Variants in NRCAM observed in about 807,000 individuals in gnomAD.
NRCAM encodes NgCAM-related cell adhesion molecule.
In NRCAM, 83 loss-of-function variants were observed where a neutral mutation model predicts 156.5. That is an observed-to-expected ratio of 0.53 (90% CI 0.44 to 0.64). NRCAM has a LOEUF of 0.64. Among genes scored for constraint, NRCAM ranks in the 30% least tolerant of loss-of-function variants. NRCAM has a pLI of 0.00. For missense variants in NRCAM, 1,417 were observed against 1,597.3 expected, an observed-to-expected ratio of 0.89 and a Z score of 1.92; for synonymous variants, 538 against 563.9, an observed-to-expected ratio of 0.95 and a Z score of 0.65.
At chr7:108,434,563 C>CACG (rs1384106963) in intron 1 of NRCAM, among the ~76,000 whole-genome samples, 2 of 151,764 alleles carry the variant, frequency 1.3e-5, no homozygotes, top group Non-Finnish European at 2.9e-5. Flanking sequence ...CACACACACA[C>CACG]ACACACACAC....
intron 2 of NRCAM, among the ~76,000 whole-genome samples, chr7:108,375,205 T>C (rs2099669162): frequency 6.6e-6 from 1 of 152,132 alleles, no homozygotes; most frequent in African/African-American, 2.4e-5. Context: ...CATGAGCTAC[T>C]TGAAGGCAAT....
At chr7:108,434,996 CAAGTA>C (rs1332958975) in intron 1 of NRCAM, among the ~76,000 whole-genome samples, 1 of 146,316 alleles carries the variant, frequency 6.8e-6, no homozygotes, top group South Asian at 2.2e-4. Context: ...AATTACGAGA[CAAGTA>C]AAGAAAAAGA....
intron 3 of NRCAM, among the ~76,000 whole-genome samples, chr7:108,244,864 T>C (rs2095802823): frequency 6.6e-6 from 1 of 152,174 alleles, no homozygotes; most frequent in Non-Finnish European, 1.5e-5. Flanking sequence ...ATCCTGATAA[T>C]AGCTCAAAAT....
At chr7:108,352,199 T>C (rs1484154765) in intron 2 of NRCAM, among the ~76,000 whole-genome samples, 1 of 152,226 alleles carries the variant, frequency 6.6e-6, no homozygotes, top group Non-Finnish European at 1.5e-5. Context: ...CAAAATTGTG[T>C]ATTTTGCTAA....
chr7:108,312,902 G>T (rs1165240516), intron 2 of NRCAM, among the ~76,000 whole-genome samples, 171 bp from the exon 3 acceptor site: 1 of 152,134 alleles, frequency 6.6e-6, no homozygotes, highest in Non-Finnish European at 1.5e-5. Context: ...ATCTCTGCTG[G>T]CTTCAATCAA....
intron 3 of NRCAM, among the ~76,000 whole-genome samples, chr7:108,265,963 T>C (rs2097089309): frequency 1.3e-5 from 2 of 152,250 alleles, no homozygotes. Flanking sequence ...GCTAGAAATA[T>C]TCAGCAGTTT....
intron 30 of NRCAM, among the ~76,000 whole-genome samples, chr7:108,162,530 G>A (rs1021025686): frequency 6.6e-6 from 1 of 152,102 alleles, no homozygotes; most frequent in African/African-American, 2.4e-5. Flanking sequence ...ACTAAAAAGG[G>A]AAAAACAAGA....
chr7:108,222,858 C>G (rs1213550682), intron 11 of NRCAM, among the ~76,000 whole-genome samples: 2 of 152,132 alleles, frequency 1.3e-5, no homozygotes, highest in African/African-American at 4.8e-5. Flanking sequence ...AGGCAGAAGA[C>G]AGGGACTATA....
At chr7:108,157,611 G>T (rs1308354943) in intron 32 of NRCAM, among the ~76,000 whole-genome samples, 1 of 152,082 alleles carries the variant, frequency 6.6e-6, no homozygotes, top group African/African-American at 2.4e-5. Flanking sequence ...TTTGTTACGT[G>T]GATACATTGT....
Position 108,182,539 on chromosome 7 carries a change from TTC to T in NRCAM, c.2530+154_2530+155del, listed in dbSNP as rs1362033319. On this transcript the variant is annotated intron_variant, in intron 23 of 32. Coordinates refer to ENST00000379028, the MANE Select transcript of NRCAM (RefSeq NM_001037132.4). The stretch of plus-strand genomic sequence containing the variant: ...TGCAATCACCTTGAACGTTCTGAAC[TTC>T]TCTTTCTTACACAGCAGGCTGTTTA... 2.6e-5 allele frequency among the ~76,000 whole-genome samples: 4 copies of T among 152,248 alleles called. No homozygotes were observed. The South Asian group carries it at 6.2e-4, about 24-fold the overall frequency.
chr7:108,447,520 C>A (rs1209773009), intron 1 of NRCAM, among the ~76,000 whole-genome samples: 2 of 151,992 alleles, frequency 1.3e-5, no homozygotes, highest in African/African-American at 4.8e-5. Flanking sequence ...TCCGCCTACT[C>A]TGTCCTCCCA....
chr7:108,194,102 C>G lies in NRCAM; in HGVS notation c.1700G>C (p.Cys567Ser). Residue 567 changes from cysteine to serine, a missense_variant, in exon 17 of 33, where the codon TGC (cysteine) becomes TCC (serine). Physicochemically the swap from Cys to Ser is moderately radical, Grantham distance 112. Transcript: ENST00000379028. The stretch of plus-strand genomic sequence containing the variant: ...TAAGGTGTGATCATGTTTCACTTTG[C>G]ATTCAAAGGACACCATGCTCCCTCT... ...VQRGSMVSFE[C>S]KVKHDHTLSL... The G allele has an allele frequency of 6.2e-7, 1 of 1,614,132 alleles. No individual in the cohort carries two copies. Among genetic ancestry groups the G allele is most frequent in the Non-Finnish European group, 8.5e-7 (1 of 1,179,948 alleles).
chr7:108,215,115 T>G (rs2087281336), intron 11 of NRCAM, among the ~76,000 whole-genome samples: 1 of 152,174 alleles, frequency 6.6e-6, no homozygotes, highest in Admixed American at 6.5e-5. Context: ...TCAGGTCTGC[T>G]TGGTCCAGAG....
intron 28 of NRCAM, among the ~76,000 whole-genome samples, chr7:108,169,936 A>G (rs927217946): frequency 2.6e-5 from 4 of 152,226 alleles, no homozygotes; most frequent in Admixed American, 2.6e-4. Flanking sequence ...AAATACTTCT[A>G]ACGGAAAAGC....
intron 1 of NRCAM, among the ~76,000 whole-genome samples, chr7:108,402,107 A>G (rs1167991292): frequency 6.6e-6 from 1 of 152,230 alleles, no homozygotes. Context: ...ACTGCCCTAA[A>G]TAACTCAGTC....
chr7:108,238,011 A>G (rs915278676), intron 4 of NRCAM, among the ~76,000 whole-genome samples: 4 of 152,228 alleles, frequency 2.6e-5, no homozygotes, highest in African/African-American at 9.6e-5. Flanking sequence ...GAACAAAAGC[A>G]ATGCTGTAGG....
intron 27 of NRCAM, 100 bp from the exon 28 acceptor site, chr7:108,175,457 C>T: frequency 9.3e-7 from 1 of 1,075,508 alleles, no homozygotes; most frequent in Non-Finnish European, 1.3e-6. Flanking sequence ...AATGCTAAAG[C>T]ATGCAAGAAG....
chr7:108,196,014 C>A (rs1381415164), intron 14 of NRCAM, 142 bp from the exon 15 acceptor site: 8 of 636,890 alleles, frequency 1.3e-5, no homozygotes, highest in Non-Finnish European at 1.7e-5. Flanking sequence ...CTCTATCAGG[C>A]ATAATGCTGC....
At chr7:108,223,540 TA>T (rs1031231642) in intron 11 of NRCAM, among the ~76,000 whole-genome samples, 184 bp downstream of exon 11, 3 of 152,132 alleles carry the variant, frequency 2.0e-5, no homozygotes, top group East Asian at 1.9e-4. Flanking sequence ...ACTATTACAT[TA>T]AAAAAATTAT....
Sources: gnomAD v4.1 joint callset for allele counts (sites outside exome capture counted in the v4.1 genomes callset) on GRCh38, gnomAD v4.1.1 for gene constraint, MANE v1.5 for transcripts, NCBI Gene and HGNC (gene_info 2026-07-23, HGNC 2026-07-21) for gene names.